Variants in RIN1 observed in about 807,000 individuals in gnomAD.
The protein encoded by RIN1 is Ras and Rab interactor 1.
A neutral mutation model predicts 64.9 loss-of-function variants in RIN1; 52 were observed. That is an observed-to-expected ratio of 0.80 (90% CI 0.64 to 1.01). The LOEUF (loss-of-function observed/expected upper bound fraction) is 1.01. Ranked by LOEUF, RIN1 falls within the 50% of genes least tolerant of loss-of-function variation. RIN1 has a pLI of 0.00. For missense variants in RIN1, 1,040 were observed against 1,064.5 expected, an observed-to-expected ratio of 0.98 and a Z score of 0.32; for synonymous variants, 486 against 483.6, an observed-to-expected ratio of 1.00 and a Z score of -0.06.
chr11:66,336,211 TCTC>T, intron 1 of RIN1, 53 bp from the exon 2 acceptor site: 1 of 1,489,062 alleles, frequency 6.7e-7, no homozygotes, highest in Non-Finnish European at 9.0e-7. Flanking sequence ...GGACCCTTGC[TCTC>T]CTCTTCCCCA....
chr11:66,332,538 C>A lies in RIN1; in HGVS notation c.2090G>T (p.Gly697Val), dbSNP rs1268941693. 1 of 1,613,450 alleles carries A rather than the reference C, an allele frequency of 6.2e-7. No individual in the cohort carries two copies. The highest frequency in any genetic ancestry group is 8.5e-7 in the Non-Finnish European group (1 of 1,179,568). Residue 697 changes from glycine to valine, a missense_variant, in exon 10 of 10, where the codon GGC (glycine) becomes GTC (valine). By Grantham distance (109) the Gly-to-Val change is moderately radical. Coordinates refer to ENST00000311320, the MANE Select transcript of RIN1 (RefSeq NM_004292.3). ...GALAHRLPTT[G>V]YLVYRRAEWP... is the part of the protein sequence containing the mutation. ...CTCCGCCCGGCGGTAGACGAGGTAG[C>A]CAGTGGTGGGCAGCCTGTGGGCCAG... is the stretch of plus-strand genomic sequence containing the variant.
chr11:66,334,354 C>A, intron 6 of RIN1, 130 bp from the exon 7 acceptor site: 1 of 1,229,764 alleles, frequency 8.1e-7, no homozygotes, highest in South Asian at 1.5e-5. Flanking sequence ...CTGGGTGAGA[C>A]GGAAGAGTTG....
chr11:66,335,284 G>T, intron 5 of RIN1, 33 bp from the exon 6 acceptor site: 2 of 1,561,396 alleles, frequency 1.3e-6, no homozygotes, highest in South Asian at 2.4e-5. Flanking sequence ...GGGCCTCCGG[G>T]ACTGGTTAGG....
rs1055579435 is a variant in RIN1, at chr11:66,335,066, A to G, written c.733T>C (p.Phe245Leu). The part of the protein sequence containing the change: ...PTKREKFKRS[F>L]KVRVSTETSS... ...GTCTCTGTGGACACGCGCACTTTGAAGCTTCTCTTGAATTTCTCCCGCTTG... is the reference window on the plus strand; with the variant it reads ...GTCTCTGTGGACACGCGCACTTTGAGGCTTCTCTTGAATTTCTCCCGCTTG... Residue 245 changes from phenylalanine (F) to leucine (L), a missense_variant, in exon 6 of 10, where the codon TTC (phenylalanine) becomes CTC (leucine). Physicochemically the swap from Phe to Leu is conservative, Grantham distance 22. Coordinates refer to ENST00000311320, the MANE Select transcript of RIN1 (RefSeq NM_004292.3). The G allele has an allele frequency of 1.3e-6, 2 of 1,526,688 alleles. No individual in the cohort carries two copies. Among genetic ancestry groups the G allele is most frequent in the East Asian group, 2.3e-5 (1 of 43,944 alleles). 94.6% of individuals were successfully genotyped at this position (1,526,688 alleles called of 1,614,324 possible). A position where few individuals can be genotyped will look rare whatever the true frequency, so the allele number is the denominator to read the frequency against.
In RIN1 at chr11:66,334,536, C is replaced by T. The variant is rs1363983296; in HGVS notation, c.1263G>A (p.Lys421=). The T allele has an allele frequency of 7.5e-6, 12 of 1,594,310 alleles. No homozygotes were observed. Among genetic ancestry groups the T allele is most frequent in the Non-Finnish European group, 1.0e-5 (12 of 1,171,972 alleles). ...AMLSAELGPE[K]LLSPKRLEHV... ...CACCCAGCCTCTTAGGCGACAGCAGCTTCTCAGGGCCCAGCTCCGCACTCA... is the reference window on the plus strand; with the variant it reads ...CACCCAGCCTCTTAGGCGACAGCAGTTTCTCAGGGCCCAGCTCCGCACTCA... The change falls in exon 6 of 10, where the codon AAG becomes AAA. Residue 421 remains lysine, a synonymous_variant. Coordinates refer to ENST00000311320, the MANE Select transcript of RIN1 (RefSeq NM_004292.3).
At chr11:66,333,186 C>T in intron 9 of RIN1, 72 bp downstream of exon 9, 2 of 1,559,296 alleles carry the variant, frequency 1.3e-6, no homozygotes, top group Non-Finnish European at 1.7e-6. Context: ...AGTCTGGACT[C>T]TTCACCAAGG....
In RIN1 at chr11:66,336,111, T is replaced by G; in HGVS notation, c.134A>C (p.Gln45Pro). The part of the protein sequence containing the change: ...LYDVPNASGG[Q>P]AGGPQRPGRV... ...CCCCGGCCGCTGCGGCCCGCCTGCC[T>G]GCCCGCCGCTGGCATTGGGCACGTC... Residue 45 changes from glutamine to proline, a missense_variant, in exon 2 of 10, where the codon CAG becomes CCG. By Grantham distance (76) the Gln-to-Pro change is moderately conservative. Coordinates refer to ENST00000311320, the MANE Select transcript of RIN1 (RefSeq NM_004292.3). 6.9e-7 allele frequency: 1 copy of G among 1,441,186 alleles called. No individual in the cohort carries two copies. Among genetic ancestry groups the G allele is most frequent in the Non-Finnish European group, 9.1e-7 (1 of 1,099,766 alleles). 89.3% of individuals were successfully genotyped at this position (1,441,186 alleles called of 1,614,324 possible). A position where few individuals can be genotyped will look rare whatever the true frequency, so the allele number is the denominator to read the frequency against.
chr11:66,335,325 C>A, intron 5 of RIN1, 74 bp from the exon 6 acceptor site: 2 of 1,556,360 alleles, frequency 1.3e-6, no homozygotes, highest in Non-Finnish European at 1.7e-6. Flanking sequence ...AAGGCAGGGG[C>A]TTCGGGCGGT....
In RIN1 at chr11:66,333,653, C is replaced by A; in HGVS notation, c.1597G>T (p.Gly533Cys). The A allele has an allele frequency of 6.2e-7, 1 of 1,611,524 alleles. No homozygotes were observed. The change falls in exon 8 of 10, where the codon GGC (glycine) becomes TGC (cysteine). Residue 533 changes from glycine to cysteine, a missense_variant. Coordinates refer to ENST00000311320, the MANE Select transcript of RIN1 (RefSeq NM_004292.3). ...YMALRTQEGEGAGADEFLPLL... is the reference protein window; with the variant it reads ...YMALRTQEGECAGADEFLPLL... Reference sequence around the variant, plus strand: ...GGCAGGAACTCGTCGGCACCCGCGCCCTCCCCTGTGGGGACATGGTGAGAG... The same window carrying A: ...GGCAGGAACTCGTCGGCACCCGCGCACTCCCCTGTGGGGACATGGTGAGAG...
Position 66,334,465 on chromosome 11 carries a change from A to T in RIN1, c.1285+49T>A, listed in dbSNP as rs370248218. Reference sequence around the variant, plus strand: ...ACAGGCTGGCGCTGTGGAGGGGAGCAGAGGGTCGGATGGGGCAGTGCTGGA... The same window carrying T: ...ACAGGCTGGCGCTGTGGAGGGGAGCTGAGGGTCGGATGGGGCAGTGCTGGA... On this transcript the variant is annotated intron_variant, in intron 6 of 9. Coordinates refer to ENST00000311320, the MANE Select transcript of RIN1 (RefSeq NM_004292.3). 18 of 1,580,788 alleles carry T rather than the reference A, an allele frequency of 1.1e-5. No individual in the cohort carries two copies. In the African/African-American group the frequency reaches 2.4e-4, roughly 21 times the overall value.
rs771307685 is a variant in RIN1, at chr11:66,334,193, A to G, written c.1317T>C (p.Ser439=). The change falls in exon 7 of 10, where the codon TCT becomes TCC. Residue 439 remains serine (S), a synonymous_variant. Coordinates refer to ENST00000311320, the MANE Select transcript of RIN1 (RefSeq NM_004292.3). The part of the protein sequence containing the change: ...EHVLEKSLHC[S]VLKPLRPILA... ...GGATGGGCCGGAGAGGCTTGAGCAC[A>G]GAGCAATGCAATGACTTCTCCAGGA... 15 of 1,491,280 alleles carry G rather than the reference A, an allele frequency of 1.0e-5. No individual in the cohort carries two copies. Among genetic ancestry groups the G allele is most frequent in the Middle Eastern group, 1.8e-4 (1 of 5,638 alleles). 92.4% of individuals were successfully genotyped at this position (1,491,280 alleles called of 1,614,324 possible). A position where few individuals can be genotyped will look rare whatever the true frequency, so the allele number is the denominator to read the frequency against.
chr11:66,334,605 C>T lies in RIN1; in HGVS notation c.1194G>A (p.Glu398=). The T allele has an allele frequency of 6.3e-7, 1 of 1,581,162 alleles. No individual in the cohort carries two copies. Among genetic ancestry groups the T allele is most frequent in the South Asian group, 1.2e-5 (1 of 86,794 alleles). Reference sequence around the variant, plus strand: ...TCAGCGCCTGACGGATGCCCTGCAGCTCCTGGGGCTCGGGCCCAGCCCGCA... The same window carrying T: ...TCAGCGCCTGACGGATGCCCTGCAGTTCCTGGGGCTCGGGCCCAGCCCGCA... ...TQVRAGPEPQ[E]LQGIRQALSR... is the part of the protein sequence containing the mutation. Residue 398 remains glutamate (E), a synonymous_variant, in exon 6 of 10, where the codon GAG becomes GAA. Transcript: ENST00000311320.
rs1854741251 is a variant in RIN1, at chr11:66,331,955, C to T, written c.*321G>A. Reference sequence around the variant, plus strand: ...GGTAAAAGGAGCTGAGACCGTCACCCTCCCCACGTCAGAGGTTGGGCATCT... The same window carrying T: ...GGTAAAAGGAGCTGAGACCGTCACCTTCCCCACGTCAGAGGTTGGGCATCT... On this transcript the variant is annotated 3_prime_UTR_variant, in exon 10 of 10. Transcript: ENST00000311320. 2.4e-6 allele frequency: 1 copy of T among 414,052 alleles called. No homozygotes were observed. Among genetic ancestry groups the T allele is most frequent in the African/African-American group, 2.0e-5 (1 of 49,656 alleles). The allele number at this position is 414,052 out of a possible 1,614,324, so 25.6% of individuals were successfully genotyped here.
chr11:66,332,933 C>T (rs1285036290), intron 9 of RIN1, 181 bp from the exon 10 acceptor site: 1 of 619,304 alleles, frequency 1.6e-6, no homozygotes, highest in East Asian at 2.8e-5. Context: ...GCCACAGCCG[C>T]AGGTGCAAGG....
At chr11:66,335,569 G>A (rs898313543) in intron 4 of RIN1, 41 bp downstream of exon 4, 2 of 1,611,680 alleles carry the variant, frequency 1.2e-6, no homozygotes, top group African/African-American at 2.7e-5. Flanking sequence ...GTCCCAAGGA[G>A]CAGGGCCCGT....
Position 66,334,877 on chromosome 11 carries a change from T to C in RIN1, c.922A>G (p.Met308Val). 1 of 1,568,608 alleles carries C rather than the reference T, an allele frequency of 6.4e-7. No homozygotes were observed. The highest frequency in any genetic ancestry group is 1.4e-5 in the African/African-American group (1 of 74,036). Residue 308 changes from methionine to valine, a missense_variant, in exon 6 of 10, where the codon ATG becomes GTG. Physicochemically the swap from Met to Val is conservative, Grantham distance 21. Coordinates refer to ENST00000311320, the MANE Select transcript of RIN1 (RefSeq NM_004292.3). ...PAGSGPSLPP[M>V]PSLQEVDCGS... ...CAGTCCACCTCTTGGAGGGAGGGCA[T>C]AGGCGGAAGGCTAGGGCCACTGCCT...
Position 66,334,813 on chromosome 11 carries a change from C to G in RIN1, c.986G>C (p.Gly329Ala). 1 of 1,546,182 alleles carries G rather than the reference C, an allele frequency of 6.5e-7. No homozygotes were observed. Among genetic ancestry groups the G allele is most frequent in the Non-Finnish European group, 8.7e-7 (1 of 1,144,080 alleles). ...PSSSEEEGVP[G>A]SRGSPATSPH... is the part of the protein sequence containing the mutation. Reference sequence around the variant, plus strand: ...TGAGGTCGCTGGGCTCCCCCGGGACCCTGGCACCCCCTCCTCCTCGGAGCT... The same window carrying G: ...TGAGGTCGCTGGGCTCCCCCGGGACGCTGGCACCCCCTCCTCCTCGGAGCT... Residue 329 changes from glycine (G) to alanine (A), a missense_variant, in exon 6 of 10, where the codon GGG becomes GCG. Physicochemically the swap from Gly to Ala is moderately conservative, Grantham distance 60. Transcript: ENST00000311320.
Position 66,336,081 on chromosome 11 carries a change from A to G in RIN1, c.164T>C (p.Val55Ala). 2 of 1,459,216 alleles carry G rather than the reference A, an allele frequency of 1.4e-6. No homozygotes were observed. The highest frequency in any genetic ancestry group is 1.8e-6 in the Non-Finnish European group (2 of 1,107,000). The allele number at this position is 1,459,216 out of a possible 1,614,324, so 90.4% of individuals were successfully genotyped here. Residue 55 changes from valine (V) to alanine (A), a missense_variant, in exon 2 of 10, where the codon GTT becomes GCT. By Grantham distance (64) the Val-to-Ala change is moderately conservative. Coordinates refer to ENST00000311320, the MANE Select transcript of RIN1 (RefSeq NM_004292.3). ...QAGGPQRPGR[V>A]VSLRERLLLT... is the part of the protein sequence containing the mutation. ...CAGCAGGCGCTCCCGCAGGCTCACA[A>G]CGCGCCCCGGCCGCTGCGGCCCGCC...
chr11:66,333,669 A>G lies in RIN1; in HGVS notation c.1592-11T>C, dbSNP rs777070597. On this transcript the variant is annotated splice_polypyrimidine_tract_variant and intron_variant, in intron 7 of 9. Coordinates refer to ENST00000311320, the MANE Select transcript of RIN1 (RefSeq NM_004292.3). Reference sequence around the variant, plus strand: ...CACCCGCGCCCTCCCCTGTGGGGACATGGTGAGAGGAAGAAGCTTCAGGTA... The same window carrying G: ...CACCCGCGCCCTCCCCTGTGGGGACGTGGTGAGAGGAAGAAGCTTCAGGTA... 2.5e-6 allele frequency: 4 copies of G among 1,606,228 alleles called. No homozygotes were observed. The highest frequency in any genetic ancestry group is 4.5e-5 in the East Asian group (2 of 44,778).
Sources: allele counts gnomAD v4.1 joint callset, GRCh38; gene constraint gnomAD v4.1.1; transcripts MANE v1.5; gene names NCBI Gene and HGNC (gene_info 2026-07-23, HGNC 2026-07-21).